Variants in ITSN1 observed in about 807,000 individuals in gnomAD.
The protein encoded by ITSN1 is intersectin 1, also known as intersectin-1.
ITSN1 carries 58 observed loss-of-function variants against 239.8 expected under a neutral mutation model. The observed-to-expected ratio is 0.24, with a 90% confidence interval of 0.20 to 0.30. The LOEUF (loss-of-function observed/expected upper bound fraction) is 0.30. Among genes scored for constraint, ITSN1 ranks in the 10% least tolerant of loss-of-function variants. The pLI, the probability that ITSN1 is intolerant of heterozygous loss-of-function variation, is 1.00. For missense variants in ITSN1, 1,558 were observed against 2,103.3 expected, an observed-to-expected ratio of 0.74 and a Z score of 5.07; for synonymous variants, 780 against 770.8, an observed-to-expected ratio of 1.01 and a Z score of -0.20.
At chr21:33,824,719 C>T (rs984593006) in intron 25 of ITSN1, among the ~76,000 whole-genome samples, 5 of 152,198 alleles carry the variant, frequency 3.3e-5, no homozygotes, top group Admixed American at 3.3e-4. Flanking sequence ...GCTCACCTCT[C>T]CTGCAGCTCC....
At chr21:33,735,525 T>C (rs1161440088) in intron 5 of ITSN1, 1 of 298,550 alleles carries the variant, frequency 3.3e-6, no homozygotes, top group African/African-American at 2.2e-5. Flanking sequence ...GGTTGTTGCA[T>C]ACTTCCTTTT....
intron 1 of ITSN1, among the ~76,000 whole-genome samples, chr21:33,708,114 T>G (rs1407963349): frequency 6.6e-6 from 1 of 152,206 alleles, no homozygotes; most frequent in Non-Finnish European, 1.5e-5. Context: ...TAGTTTGCAT[T>G]TCCCTGATGA....
chr21:33,790,263 CTT>C (rs1402005726), intron 16 of ITSN1, among the ~76,000 whole-genome samples: 14 of 151,596 alleles, frequency 9.2e-5, no homozygotes. Context: ...TTAAAAAAAA[CTT>C]ATTTTAATAT....
intron 31 of ITSN1, among the ~76,000 whole-genome samples, chr21:33,864,549 C>A (rs547929470): frequency 6.6e-6 from 1 of 152,234 alleles, no homozygotes; most frequent in East Asian, 1.9e-4. Context: ...GTTCATTGGC[C>A]CATTATCATA....
intron 1 of ITSN1, among the ~76,000 whole-genome samples, chr21:33,651,140 A>G (rs1330925517): frequency 1.3e-5 from 2 of 152,238 alleles, no homozygotes; most frequent in African/African-American, 2.4e-5. Context: ...AGGTCCTTCA[A>G]GCCTGGAGGC....
At chr21:33,782,216 A>G in intron 16 of ITSN1, 83 bp downstream of exon 16, 5 of 1,320,474 alleles carry the variant, frequency 3.8e-6, no homozygotes, top group Non-Finnish European at 5.3e-6. Flanking sequence ...ATTTAATCAC[A>G]GGCAGAAAAA....
chr21:33,830,980 G>T (rs550353258), intron 27 of ITSN1, among the ~76,000 whole-genome samples: 12 of 152,038 alleles, frequency 7.9e-5, no homozygotes, highest in Non-Finnish European at 1.6e-4. Flanking sequence ...TCGGGTAAAG[G>T]GCCTATGGGT....
chr21:33,686,791 A>C (rs1296778863), intron 1 of ITSN1, among the ~76,000 whole-genome samples: 1 of 152,220 alleles, frequency 6.6e-6, no homozygotes, highest in East Asian at 1.9e-4. Context: ...CCTGGCATAA[A>C]TTAGAGAATT....
intron 6 of ITSN1, among the ~76,000 whole-genome samples, chr21:33,751,103 C>G (rs2067519209): frequency 6.6e-6 from 1 of 152,150 alleles, no homozygotes; most frequent in African/African-American, 2.4e-5. Context: ...CTAAATGTAT[C>G]TCCTTTTTTT....
In ITSN1 at chr21:33,882,901, G is replaced by C. The variant is rs539097258; in HGVS notation, c.4554+446G>C. Reference sequence around the variant, plus strand: ...CTTTCTAGCAAAGTCTCTCTAAACAGTTGATACGTGGAGAATTTCCCTCAG... The same window carrying C: ...CTTTCTAGCAAAGTCTCTCTAAACACTTGATACGTGGAGAATTTCCCTCAG... On this transcript the variant is annotated intron_variant, in intron 35 of 39. Transcript: ENST00000381318. This position sits in a 1 kb window ranked among gnomAD's most constrained non-coding sequence, Gnocchi z 4.5. 1.3e-5 allele frequency among the ~76,000 whole-genome samples: 2 copies of C among 152,302 alleles called. No individual in the cohort carries two copies. Among genetic ancestry groups the C allele is most frequent in the Admixed American group, 1.3e-4 (2 of 15,304 alleles).
At chr21:33,697,234 ATT>A (rs11419453) in intron 1 of ITSN1, among the ~76,000 whole-genome samples, 6 of 121,678 alleles carry the variant, frequency 4.9e-5, no homozygotes, top group African/African-American at 1.9e-4. Context: ...CACCTGGCTA[ATT>A]TTTTTTTTTT....
intron 20 of ITSN1, 161 bp from the exon 21 acceptor site, chr21:33,810,814 C>A (rs897331967): frequency 2.3e-6 from 2 of 853,112 alleles, no homozygotes; most frequent in Admixed American, 1.8e-5. Flanking sequence ...TTCAGCATTA[C>A]TGCTTAGACT....
chr21:33,795,219 G>C (rs946440467), intron 17 of ITSN1, among the ~76,000 whole-genome samples: 1 of 152,206 alleles, frequency 6.6e-6, no homozygotes, highest in African/African-American at 2.4e-5. Context: ...GGGAGGCCGA[G>C]GTGGGCGGAT....
intron 20 of ITSN1, among the ~76,000 whole-genome samples, chr21:33,806,223 T>C (rs1309035421): frequency 6.6e-6 from 1 of 151,894 alleles, no homozygotes; most frequent in South Asian, 2.1e-4. Flanking sequence ...AAACAAAGAC[T>C]TTTAATATCC....
At chr21:33,827,292 C>T (rs1358285534) in intron 26 of ITSN1, among the ~76,000 whole-genome samples, 3 of 152,024 alleles carry the variant, frequency 2.0e-5, no homozygotes, top group African/African-American at 4.8e-5. Flanking sequence ...CCCAGCTACT[C>T]GAGAGGCTGA....
At chr21:33,850,033 C>G (rs1231128166) in intron 29 of ITSN1, among the ~76,000 whole-genome samples, 1 of 152,136 alleles carries the variant, frequency 6.6e-6, no homozygotes, top group African/African-American at 2.4e-5. Flanking sequence ...TAAAGCTGTG[C>G]CAGGAATTCC....
At chr21:33,878,520 G>A (rs1048498677) in intron 34 of ITSN1, among the ~76,000 whole-genome samples, 4 of 152,098 alleles carry the variant, frequency 2.6e-5, no homozygotes, top group African/African-American at 7.2e-5. Context: ...AATGACCAGC[G>A]AGAATGTGTC....
chr21:33,848,993 C>T (rs907609393), intron 29 of ITSN1, among the ~76,000 whole-genome samples: 5 of 152,272 alleles, frequency 3.3e-5, no homozygotes, highest in Non-Finnish European at 1.5e-5. Flanking sequence ...GTAATCCCAG[C>T]ACTTTGGGAG....
intron 1 of ITSN1, among the ~76,000 whole-genome samples, chr21:33,715,543 AAC>A (rs1465125502): frequency 6.6e-6 from 1 of 152,222 alleles, no homozygotes; most frequent in Non-Finnish European, 1.5e-5. Flanking sequence ...AGTGAGATAA[AAC>A]ACACTAAAAT....
Sources: allele counts gnomAD v4.1 joint callset (sites outside exome capture counted in the v4.1 genomes callset), GRCh38; gene constraint gnomAD v4.1.1; non-coding constraint Gnocchi (gnomAD v3.1); transcripts MANE v1.5; gene names NCBI Gene and HGNC (gene_info 2026-07-23, HGNC 2026-07-21).